The following KCNJ6 variants were observed in gnomAD, a reference collection of about 807,000 sequenced individuals.
KCNJ6 encodes G protein-activated inward rectifier potassium channel 2.
KCNJ6 carries 9 observed loss-of-function variants against 34.2 expected under a neutral mutation model. The ratio of observed to expected loss-of-function variants is 0.26; its 90% CI spans 0.16 to 0.46. KCNJ6 has a LOEUF of 0.46. Among genes scored for constraint, KCNJ6 ranks in the 20% least tolerant of loss-of-function variants. The probability of loss-of-function intolerance (pLI) is 1.00; values close to 1 mark genes in which losing one functional copy is unlikely to be tolerated. For missense variants in KCNJ6, 236 were observed against 531.3 expected, an observed-to-expected ratio of 0.44 and a Z score of 5.46; for synonymous variants, 196 against 207.1, an observed-to-expected ratio of 0.95 and a Z score of 0.46.
intron 2 of KCNJ6, among the ~76,000 whole-genome samples, chr21:37,833,158 G>A (rs149248212): frequency 0.026 from 3,990 of 152,226 alleles, 78 homozygotes; most frequent in Middle Eastern, 0.048. Context: ...GGGATTACAG[G>A]CATGTGCCAA....
intron 2 of KCNJ6, among the ~76,000 whole-genome samples, chr21:37,760,036 C>G (rs143600629): frequency 6.6e-6 from 1 of 152,192 alleles, no homozygotes; most frequent in African/African-American, 2.4e-5. Flanking sequence ...ACAGGCAGCA[C>G]CAACTCGCCA....
chr21:37,766,937 C>T (rs1282757956), intron 2 of KCNJ6, among the ~76,000 whole-genome samples: 1 of 152,170 alleles, frequency 6.6e-6, no homozygotes, highest in Admixed American at 6.5e-5. Context: ...GCCTGATGAT[C>T]TGAGAAACAG....
intron 2 of KCNJ6, among the ~76,000 whole-genome samples, chr21:37,807,183 C>T (rs537922683): frequency 4.6e-5 from 7 of 152,238 alleles, no homozygotes; most frequent in African/African-American, 9.6e-5. Context: ...CCCCATATGT[C>T]GGGAACATTG....
intron 2 of KCNJ6, among the ~76,000 whole-genome samples, chr21:37,814,593 T>C (rs960276155): frequency 6.6e-6 from 1 of 152,166 alleles, no homozygotes; most frequent in African/African-American, 2.4e-5. Context: ...TGGAATACTA[T>C]TCAGCCATAA....
intron 2 of KCNJ6, among the ~76,000 whole-genome samples, chr21:37,820,117 A>G (rs1432699889): frequency 6.6e-6 from 1 of 152,152 alleles, no homozygotes; most frequent in South Asian, 2.1e-4. Context: ...GGAACTAAAA[A>G]GCTGTATGGA....
At chr21:37,867,447 G>A (rs978933450) in intron 1 of KCNJ6, among the ~76,000 whole-genome samples, 3 of 152,142 alleles carry the variant, frequency 2.0e-5, no homozygotes, top group African/African-American at 4.8e-5. Context: ...AAAAGTTAGG[G>A]CAAAATACAG....
chr21:37,856,201 C>T (rs1162640433), intron 1 of KCNJ6, among the ~76,000 whole-genome samples: 1 of 152,204 alleles, frequency 6.6e-6, no homozygotes, highest in African/African-American at 2.4e-5. Flanking sequence ...TCTCGTAATT[C>T]TTCTCTCTGA....
At chr21:37,661,783 C>T in intron 3 of KCNJ6, among the ~76,000 whole-genome samples, 1 of 82,412 alleles carries the variant, frequency 1.2e-5, no homozygotes, top group African/African-American at 5.0e-5. Flanking sequence ...CCACCATGCC[C>T]CGCTAATTTT....
At chr21:37,824,083 A>G (rs1333723145) in intron 2 of KCNJ6, among the ~76,000 whole-genome samples, 1 of 152,226 alleles carries the variant, frequency 6.6e-6, no homozygotes, top group Admixed American at 6.5e-5. Flanking sequence ...TTCATCCATG[A>G]TATCTCCATG....
intron 2 of KCNJ6, among the ~76,000 whole-genome samples, chr21:37,764,134 G>A (rs540452311): frequency 1.3e-5 from 2 of 152,122 alleles, no homozygotes; most frequent in African/African-American, 2.4e-5. Context: ...ACTGACAGTC[G>A]CTGCTATGCC....
chr21:37,761,622 ATGTGTTGTGTGT>A lies in KCNJ6; in HGVS notation c.26-46503_26-46492del, dbSNP rs1465622303. Among the ~76,000 whole-genome samples, 13 of 118,128 alleles carry A rather than the reference ATGTGTTGTGTGT, an allele frequency of 1.1e-4. No individual in the cohort carries two copies. In the South Asian group the frequency reaches 1.3e-3, roughly 12 times the overall value. 77.5% of individuals were successfully genotyped at this position (118,128 alleles called of 152,430 possible). ...TGTTGTGTGTATGTAGTATTTGTGT[ATGTGTTGTGTGT>A]TGTGTTGTGTGTGTATATTTGTGTG... On this transcript the variant is annotated intron_variant, in intron 2 of 3. Transcript: ENST00000609713.
At chr21:37,788,246 T>G (rs907484241) in intron 2 of KCNJ6, among the ~76,000 whole-genome samples, 3 of 152,240 alleles carry the variant, frequency 2.0e-5, no homozygotes, top group Admixed American at 6.5e-5. Context: ...GGTGAATCTA[T>G]GAAGATTTAA....
At chr21:37,636,350 C>A in intron 3 of KCNJ6, among the ~76,000 whole-genome samples, 1 of 152,242 alleles carries the variant, frequency 6.6e-6, no homozygotes, top group Non-Finnish European at 1.5e-5. Context: ...GACAGGAAGG[C>A]TGCTTGATTT....
intron 1 of KCNJ6, among the ~76,000 whole-genome samples, chr21:37,856,153 C>T (rs896111526): frequency 6.6e-6 from 1 of 152,198 alleles, no homozygotes; most frequent in African/African-American, 2.4e-5. Context: ...GTCCAAACAT[C>T]ATTTCCGGAA....
intron 2 of KCNJ6, among the ~76,000 whole-genome samples, chr21:37,819,972 G>A (rs2055366251): frequency 6.6e-6 from 1 of 151,838 alleles, no homozygotes; most frequent in Non-Finnish European, 1.5e-5. Flanking sequence ...ATTTTTGGTA[G>A]AGTCGGGGTT....
chr21:37,885,261 G>A (rs2055729664), intron 1 of KCNJ6, among the ~76,000 whole-genome samples: 1 of 152,152 alleles, frequency 6.6e-6, no homozygotes, highest in Admixed American at 6.5e-5. Context: ...GGGAGCAGAG[G>A]AAAGGGTCTG....
chr21:37,857,016 T>G (rs1439149537), intron 1 of KCNJ6, among the ~76,000 whole-genome samples: 2 of 152,220 alleles, frequency 1.3e-5, no homozygotes, highest in Non-Finnish European at 2.9e-5. Context: ...GATACTCCAA[T>G]GAAGACCCAC....
At chr21:37,743,995 T>C (rs769908144) in intron 2 of KCNJ6, among the ~76,000 whole-genome samples, 1 of 151,786 alleles carries the variant, frequency 6.6e-6, no homozygotes, top group Non-Finnish European at 1.5e-5. Context: ...TGGAGAAAAA[T>C]TCACTCTTCC....
chr21:37,636,225 A>T lies in KCNJ6; in HGVS notation c.947-10741T>A, dbSNP rs1036383009. On this transcript the variant is annotated intron_variant, in intron 3 of 3. Coordinates refer to ENST00000609713, the MANE Select transcript of KCNJ6 (RefSeq NM_002240.5). ...AGGGCAGATCTTCTTTACTCACTTC[A>T]GATTCAAATGCCAGTCTCTTCTGGA... 3.3e-5 allele frequency among the ~76,000 whole-genome samples: 5 copies of T among 152,308 alleles called. No individual in the cohort carries two copies. The East Asian group carries it at 9.7e-4, about 29-fold the overall frequency.
Sources: gnomAD v4.1 joint callset for allele counts (sites outside exome capture counted in the v4.1 genomes callset) on GRCh38, gnomAD v4.1.1 for gene constraint, MANE v1.5 for transcripts, NCBI Gene and HGNC (gene_info 2026-07-23, HGNC 2026-07-21) for gene names.